Variants in CSMD1 observed in about 807,000 individuals in gnomAD.
CSMD1 encodes the protein CUB and Sushi multiple domains 1.
A neutral mutation model predicts 417.5 loss-of-function variants in CSMD1; 213 were observed. That is an observed-to-expected ratio of 0.51 (90% CI 0.46 to 0.57). The LOEUF (loss-of-function observed/expected upper bound fraction) is 0.57. Ranked by LOEUF, CSMD1 falls within the 20% of genes least tolerant of loss-of-function variation. The pLI, the probability that CSMD1 is intolerant of heterozygous loss-of-function variation, is 0.00. For synonymous variants in CSMD1, 2,862 were observed against 1,736.8 expected (o/e 1.65, Z -16.11); for missense variants, 6,923 against 4,529.7 (o/e 1.53, Z -15.17).
chr8:4,184,000 C>G (rs981148883), intron 3 of CSMD1, among the ~76,000 whole-genome samples: 2 of 152,196 alleles, frequency 1.3e-5, no homozygotes, highest in African/African-American at 4.8e-5. Context: ...GTGTCATACA[C>G]ATGACAAGGG....
rs117495930 is a variant in CSMD1 at position 3,426,270 on chromosome 8, G to A, written c.1562-16665C>T. On this transcript the variant is annotated intron_variant, in intron 12 of 69. Transcript: ENST00000635120. ...AAACGTTCCATCCTGCACATCACAT[G>A]AGTTAAATTATTTCTTGATCATCAA... Among the ~76,000 whole-genome samples, 1,477 of 152,236 alleles carry A rather than the reference G, an allele frequency of 9.7e-3. 20 individuals carry two copies. The highest frequency in any genetic ancestry group is 0.068 in the Middle Eastern group (20 of 294).
chr8:3,553,163 T>G (rs1043623391), intron 10 of CSMD1, among the ~76,000 whole-genome samples: 7 of 152,122 alleles, frequency 4.6e-5, no homozygotes, highest in Non-Finnish European at 8.8e-5. Context: ...CTGAATATCT[T>G]TCATCAGTTT....
At chr8:4,151,500 C>G (rs1796567809) in intron 3 of CSMD1, among the ~76,000 whole-genome samples, 1 of 152,098 alleles carries the variant, frequency 6.6e-6, no homozygotes, top group African/African-American at 2.4e-5. Flanking sequence ...CAGAAGTGAA[C>G]CAAATGGAAG....
chr8:3,158,691 A>C (rs1585510833), intron 38 of CSMD1, among the ~76,000 whole-genome samples: 1 of 151,522 alleles, frequency 6.6e-6, no homozygotes, highest in Non-Finnish European at 1.5e-5. Context: ...TTGTGCTAAC[A>C]TCTCTTTCTC....
At chr8:4,457,731 C>G (rs1013216334) in intron 2 of CSMD1, among the ~76,000 whole-genome samples, 17 of 152,110 alleles carry the variant, frequency 1.1e-4, no homozygotes, top group African/African-American at 4.1e-4. Context: ...TTCATGTGCT[C>G]CTCTGTATGG....
chr8:3,244,642 G>A (rs1320839907), intron 26 of CSMD1, among the ~76,000 whole-genome samples: 1 of 152,154 alleles, frequency 6.6e-6, no homozygotes, highest in African/African-American at 2.4e-5. Context: ...ACATTTTGGG[G>A]GCAGCTTTGA....
chr8:4,132,165 T>G (rs1472266568), intron 3 of CSMD1, among the ~76,000 whole-genome samples: 2 of 151,654 alleles, frequency 1.3e-5, no homozygotes, highest in African/African-American at 4.8e-5. Context: ...GTTGCCTGTT[T>G]GTTTATGCGG....
chr8:3,880,907 C>G (rs998354824), intron 5 of CSMD1, among the ~76,000 whole-genome samples: 2 of 152,024 alleles, frequency 1.3e-5, no homozygotes, highest in East Asian at 1.9e-4. Context: ...AAAGTAAACA[C>G]AATGTTATTT....
intron 3 of CSMD1, among the ~76,000 whole-genome samples, chr8:4,349,013 G>A (rs1800935469): frequency 6.6e-6 from 1 of 152,068 alleles, no homozygotes; most frequent in African/African-American, 2.4e-5. Flanking sequence ...AAATCCAACT[G>A]TCCACACAAG....
chr8:4,321,239 G>A (rs114936811), intron 3 of CSMD1, among the ~76,000 whole-genome samples: 2 of 152,116 alleles, frequency 1.3e-5, no homozygotes, highest in African/African-American at 2.4e-5. Context: ...CGTGCCTACA[G>A]CTAGTCCCTG....
At position 3,272,471 on chromosome 8, in the gene CSMD1, G is replaced by C. The variant is rs540000649; in HGVS notation, c.4153+11673C>G. Among the ~76,000 whole-genome samples, 9 of 149,304 alleles carry C rather than the reference G, an allele frequency of 6.0e-5. No homozygotes were observed. The East Asian group carries it at 1.8e-3, about 29-fold the overall frequency. ...AGTTTTTTCCAATTCTGGGAAGAAA[G>C]TCATTGGTAACTTGAAGGGGATGGC... On this transcript the variant is annotated intron_variant, in intron 26 of 69. Transcript: ENST00000635120.
At chr8:4,916,828 G>A (rs995403679) in intron 1 of CSMD1, among the ~76,000 whole-genome samples, 8 of 152,174 alleles carry the variant, frequency 5.3e-5, no homozygotes, top group African/African-American at 1.7e-4. Flanking sequence ...GCATTCAACA[G>A]AATCCCTGAG....
chr8:4,288,586 G>A (rs1023080239), intron 3 of CSMD1, among the ~76,000 whole-genome samples: 10 of 152,258 alleles, frequency 6.6e-5, no homozygotes, highest in African/African-American at 1.4e-4. Context: ...TCAGCTCTAC[G>A]CATGCAGCTG....
intron 1 of CSMD1, among the ~76,000 whole-genome samples, chr8:4,777,499 C>A (rs1195537577): frequency 6.6e-6 from 1 of 152,146 alleles, no homozygotes; most frequent in Non-Finnish European, 1.5e-5. Context: ...AAGAATAAAA[C>A]AATCATCCCA....
chr8:4,754,301 T>C (rs76221251), intron 1 of CSMD1, among the ~76,000 whole-genome samples: 1,589 of 152,206 alleles, frequency 0.01, 13 homozygotes, highest in East Asian at 0.053. Context: ...TGTTACCCGG[T>C]AGAGAAAGTA....
chr8:4,592,096 A>AT (rs1800019338), intron 2 of CSMD1, among the ~76,000 whole-genome samples: 5 of 152,208 alleles, frequency 3.3e-5, no homozygotes, highest in Admixed American at 6.5e-5. Context: ...ATGCTGGTAG[A>AT]TGTTTAACGA....
chr8:3,476,157 A>G (rs1403067850), intron 11 of CSMD1, among the ~76,000 whole-genome samples: 2 of 152,218 alleles, frequency 1.3e-5, no homozygotes, highest in Non-Finnish European at 2.9e-5. Context: ...AGCCTGCGCA[A>G]CATAGCGAGG....
intron 3 of CSMD1, among the ~76,000 whole-genome samples, chr8:4,078,907 A>G (rs1377282958): frequency 0.012 from 284 of 23,814 alleles, 4 homozygotes; most frequent in African/African-American, 0.026. Flanking sequence ...ATATATATAT[A>G]TATATATATA....
intron 1 of CSMD1, among the ~76,000 whole-genome samples, chr8:4,951,509 GAAGGATGGGAGGGGAGAAAGAGAAAAGA>G (rs1159641865): frequency 6.7e-6 from 1 of 149,418 alleles, no homozygotes. Context: ...AGGGAAAGAG[GAAGGATGGGAGGGGAGAAAGAGAAAAGA>G]AAAGAAAAGA....
Sources: allele counts gnomAD v4.1 joint callset (sites outside exome capture counted in the v4.1 genomes callset), GRCh38; gene constraint gnomAD v4.1.1; transcripts MANE v1.5; gene names NCBI Gene and HGNC (gene_info 2026-07-23, HGNC 2026-07-21).